Variants in L2HGDH observed in about 807,000 individuals in gnomAD.
The protein encoded by L2HGDH is L-2-hydroxyglutarate dehydrogenase, mitochondrial.
A neutral mutation model predicts 51.5 loss-of-function variants in L2HGDH; 34 were observed. The observed-to-expected ratio is 0.66, with a 90% CI of 0.50 to 0.88. The LOEUF (loss-of-function observed/expected upper bound fraction) is 0.88, where lower values mean the gene tolerates loss of function less well. Among genes scored for constraint, L2HGDH ranks in the 40% least tolerant of loss-of-function variants. L2HGDH has a pLI of 0.00. For synonymous variants in L2HGDH, 198 were observed against 197.9 expected (o/e 1.00, Z -0.01); for missense variants, 558 against 571.9 (o/e 0.98, Z 0.25).
chr14:50,259,095 T>C (rs1344652385), intron 9 of L2HGDH, among the ~76,000 whole-genome samples: 1 of 146,608 alleles, frequency 6.8e-6, no homozygotes, highest in Non-Finnish European at 1.5e-5. Flanking sequence ...GGTCAAACAA[T>C]CCTGCCTCAG....
chr14:50,297,934 C>CA (rs57169909), intron 3 of L2HGDH, among the ~76,000 whole-genome samples: 56 of 148,234 alleles, frequency 3.8e-4, no homozygotes, highest in African/African-American at 6.4e-4. Context: ...GATCCTAACT[C>CA]AAAAAAAAAA....
intron 5 of L2HGDH, among the ~76,000 whole-genome samples, chr14:50,279,557 G>C (rs1430172298): frequency 1.3e-5 from 2 of 152,010 alleles, no homozygotes; most frequent in African/African-American, 4.8e-5. Flanking sequence ...TTTGCATTTT[G>C]GGCCAAGCAC....
At chr14:50,280,660 T>G (rs1890217318) in intron 5 of L2HGDH, among the ~76,000 whole-genome samples, 1 of 152,042 alleles carries the variant, frequency 6.6e-6, no homozygotes, top group African/African-American at 2.4e-5. Context: ...AAGAAAAAAT[T>G]ATTTTATTTA....
At chr14:50,311,755 A>G (rs969478232) in intron 1 of L2HGDH, among the ~76,000 whole-genome samples, 1 of 152,206 alleles carries the variant, frequency 6.6e-6, no homozygotes, top group Non-Finnish European at 1.5e-5. Context: ...CCAGAGTTCA[A>G]CAGAAAGTGG....
intron 1 of L2HGDH, among the ~76,000 whole-genome samples, chr14:50,303,781 CAAA>C (rs59420070): frequency 1.0e-4 from 3 of 29,730 alleles, no homozygotes; most frequent in Admixed American, 4.3e-4. Context: ...GACCCTGTCT[CAAA>C]AAAAAAAAAA....
At chr14:50,300,420 G>A (rs1352879469) in intron 3 of L2HGDH, among the ~76,000 whole-genome samples, 2 of 151,530 alleles carry the variant, frequency 1.3e-5, no homozygotes, top group South Asian at 2.1e-4. Context: ...TCAGCCTCCC[G>A]AGTAGCTGGC....
At position 50,312,119 on chromosome 14, in the gene L2HGDH, G is replaced by C. The variant is rs764666504; in HGVS notation, c.32C>G (p.Ala11Gly). Residue 11 changes from alanine to glycine, a missense_variant, in exon 1 of 10, where the codon GCC becomes GGC. By Grantham distance (60) the Ala-to-Gly change is moderately conservative. This residue lies in a region of L2HGDH where 194 missense variants were observed against 187.2 expected (regional missense o/e 1.04). Coordinates refer to ENST00000267436, the MANE Select transcript of L2HGDH (RefSeq NM_024884.3). Reference sequence around the variant, plus strand: ...GAAAAGCCCGCGGGCCCGTCCGCAGGCACCAACCAAATAACGCAGCGCTGG... The same window carrying C: ...GAAAAGCCCGCGGGCCCGTCCGCAGCCACCAACCAAATAACGCAGCGCTGG... Reference protein sequence around the residue: MVPALRYLVGACGRARGLFAG... With the variant: MVPALRYLVGGCGRARGLFAG... 7 of 1,609,916 alleles carry C rather than the reference G, an allele frequency of 4.3e-6. No individual in the cohort carries two copies. The highest frequency in any genetic ancestry group is 5.9e-6 in the Non-Finnish European group (7 of 1,178,790).
chr14:50,288,961 T>C (rs950090995), intron 4 of L2HGDH, among the ~76,000 whole-genome samples: 4 of 152,210 alleles, frequency 2.6e-5, no homozygotes, highest in African/African-American at 9.7e-5. Flanking sequence ...CACTCAATAG[T>C]TTTGTAATGC....
At chr14:50,267,180 T>G (rs1024529534) in intron 8 of L2HGDH, among the ~76,000 whole-genome samples, 26 of 144,704 alleles carry the variant, frequency 1.8e-4, no homozygotes, top group Non-Finnish European at 5.9e-5. Flanking sequence ...TTTATTTATT[T>G]ATTTATTTAT....
intron 1 of L2HGDH, among the ~76,000 whole-genome samples, chr14:50,309,980 C>T (rs935282430): frequency 6.6e-6 from 1 of 151,242 alleles, no homozygotes; most frequent in Non-Finnish European, 1.5e-5. Flanking sequence ...TAGGCATGAG[C>T]CAGCATGCCT....
intron 3 of L2HGDH, among the ~76,000 whole-genome samples, chr14:50,298,480 T>A (rs1184920496): frequency 6.6e-6 from 1 of 151,884 alleles, no homozygotes; most frequent in African/African-American, 2.4e-5. Flanking sequence ...CACACCCAGC[T>A]AATTTTGTAT....
At chr14:50,247,338 T>C in intron 9 of L2HGDH, 85 bp from the exon 10 acceptor site, 1 of 1,544,838 alleles carries the variant, frequency 6.5e-7, no homozygotes, top group Non-Finnish European at 8.7e-7. Context: ...CTTAAAGCAA[T>C]AAAGTATTCT....
chr14:50,247,335 C>A (rs570273814), intron 9 of L2HGDH, 82 bp from the exon 10 acceptor site: 112 of 1,548,734 alleles, frequency 7.2e-5, no homozygotes, highest in Middle Eastern at 1.8e-4. Context: ...AGTCTTAAAG[C>A]AATAAAGTAT....
chr14:50,259,225 C>T (rs1209752211), intron 9 of L2HGDH, among the ~76,000 whole-genome samples: 1 of 151,772 alleles, frequency 6.6e-6, no homozygotes, highest in African/African-American at 2.4e-5. Context: ...AATCCTCCTA[C>T]CTCAGCCTCC....
intron 4 of L2HGDH, among the ~76,000 whole-genome samples, chr14:50,291,864 GAAAT>G (rs1167394595): frequency 1.3e-5 from 2 of 152,116 alleles, no homozygotes; most frequent in East Asian, 1.9e-4. Context: ...TAGAAAAGAA[GAAAT>G]AAATAGTTAT....
intron 8 of L2HGDH, 64 bp downstream of exon 8, chr14:50,267,689 G>A (rs1333019854): frequency 3.1e-6 from 4 of 1,305,038 alleles, no homozygotes; most frequent in Non-Finnish European, 4.4e-6. Context: ...TATCAAGAAA[G>A]ACAAAACTTC....
At chr14:50,267,132 ATCT>A (rs1466697432) in intron 8 of L2HGDH, among the ~76,000 whole-genome samples, 1 of 150,848 alleles carries the variant, frequency 6.6e-6, no homozygotes, top group African/African-American at 2.4e-5. Flanking sequence ...TCTTGGCCTT[ATCT>A]TCTTTTTATT....
intron 9 of L2HGDH, among the ~76,000 whole-genome samples, chr14:50,264,019 C>A (rs1595081637): frequency 6.6e-6 from 1 of 151,066 alleles, no homozygotes; most frequent in Non-Finnish European, 1.5e-5. Context: ...AGGTGATCCA[C>A]CCGCCTCAGC....
chr14:50,280,831 T>C (rs898862446), intron 5 of L2HGDH, among the ~76,000 whole-genome samples: 2 of 151,996 alleles, frequency 1.3e-5, no homozygotes, highest in Non-Finnish European at 2.9e-5. Context: ...AAAAATTTTT[T>C]TGAGACAAGG....
Sources: allele counts gnomAD v4.1 joint callset (sites outside exome capture counted in the v4.1 genomes callset), GRCh38; gene constraint gnomAD v4.1.1; regional missense constraint gnomAD v4.1.1; transcripts MANE v1.5; gene names NCBI Gene and HGNC (gene_info 2026-07-23, HGNC 2026-07-21).